Variants in ITGB3 observed in about 807,000 individuals in gnomAD.
The protein encoded by ITGB3 is integrin beta-3.
In ITGB3, 48 loss-of-function variants were observed where a neutral mutation model predicts 85.8. The observed-to-expected ratio is 0.56, with a 90% CI of 0.44 to 0.71. The LOEUF (loss-of-function observed/expected upper bound fraction) is 0.71. Ranked by LOEUF, ITGB3 falls within the 30% of genes least tolerant of loss-of-function variation. ITGB3 has a pLI of 0.00. For synonymous variants in ITGB3, 363 were observed against 395.6 expected, an observed-to-expected ratio of 0.92 and a Z score of 0.98; for missense variants, 861 against 1,019.1, an observed-to-expected ratio of 0.84 and a Z score of 2.11.
intron 14 of ITGB3, among the ~76,000 whole-genome samples, chr17:47,309,452 C>T (rs569509623): frequency 1.6e-4 from 24 of 152,290 alleles, no homozygotes; most frequent in African/African-American, 5.5e-4. Context: ...ATTTCTGTCC[C>T]TTGTCCACAT....
intron 1 of ITGB3, among the ~76,000 whole-genome samples, chr17:47,260,443 T>G (rs1174406386): frequency 6.6e-6 from 1 of 152,208 alleles, no homozygotes; most frequent in East Asian, 1.9e-4. Flanking sequence ...AAATCAAGCT[T>G]GAAAAACTTT....
chr17:47,304,912 A>C (rs1427788618), intron 13 of ITGB3, among the ~76,000 whole-genome samples: 1 of 152,102 alleles, frequency 6.6e-6, no homozygotes, highest in Non-Finnish European at 1.5e-5. Context: ...CTGGCCAAGC[A>C]TCCTGTGTTT....
At chr17:47,273,562 G>A (rs2065052777) in intron 1 of ITGB3, among the ~76,000 whole-genome samples, 1 of 152,196 alleles carries the variant, frequency 6.6e-6, no homozygotes, top group Non-Finnish European at 1.5e-5. Context: ...CGTAGCCTTT[G>A]CTCTGTCCTT....
chr17:47,280,025 G>A (rs1357907532), intron 2 of ITGB3: 2 of 152,246 alleles, frequency 1.3e-5, no homozygotes, highest in East Asian at 1.9e-4. Context: ...CTGGGTGCAC[G>A]GGAGACTTTC....
At chr17:47,293,368 T>C (rs548969619) in intron 10 of ITGB3, among the ~76,000 whole-genome samples, 32 of 152,258 alleles carry the variant, frequency 2.1e-4, no homozygotes, top group African/African-American at 7.7e-4. Context: ...GTTGAACTAA[T>C]GTTAATGTAG....
intron 10 of ITGB3, among the ~76,000 whole-genome samples, chr17:47,298,339 C>T (rs2065153322): frequency 6.6e-6 from 1 of 152,116 alleles, no homozygotes; most frequent in Non-Finnish European, 1.5e-5. Context: ...CTATGGCATT[C>T]ATGGGATTTG....
chr17:47,259,863 C>A (rs1181452807), intron 1 of ITGB3, among the ~76,000 whole-genome samples: 2 of 152,194 alleles, frequency 1.3e-5, no homozygotes, highest in African/African-American at 4.8e-5. Context: ...TGTGCCATTG[C>A]ACTCCAGCCT....
At chr17:47,285,616 A>G (rs1341488204) in intron 4 of ITGB3, among the ~76,000 whole-genome samples, 1 of 148,230 alleles carries the variant, frequency 6.7e-6, no homozygotes, top group African/African-American at 2.5e-5. Context: ...AACTGTCTCT[A>G]AAAAAAAAAG....
Position 47,286,301 on chromosome 17 carries a change from T to C in ITGB3, c.656T>C (p.Val219Ala), listed in dbSNP as rs1311161158. 1 of 1,614,120 alleles carries C rather than the reference T, an allele frequency of 6.2e-7. No homozygotes were observed. The highest frequency in any genetic ancestry group is 8.5e-7 in the Non-Finnish European group (1 of 1,180,048). ...TTGCCCATGTTTGGCTACAAACACGTGCTGACGCTAACTGACCAGGTGACC... is the reference window on the plus strand; with the variant it reads ...TTGCCCATGTTTGGCTACAAACACGCGCTGACGCTAACTGACCAGGTGACC... ...TCLPMFGYKH[V>A]LTLTDQVTRF... The change falls in exon 5 of 15, where the codon GTG becomes GCG. Residue 219 changes from valine (V) to alanine (A), a missense_variant. Val to Ala is a moderately conservative substitution (Grantham distance 64). Coordinates refer to ENST00000559488, the MANE Select transcript of ITGB3 (RefSeq NM_000212.3).
chr17:47,293,757 G>A (rs531664209), intron 10 of ITGB3, among the ~76,000 whole-genome samples: 10 of 152,162 alleles, frequency 6.6e-5, no homozygotes, highest in South Asian at 2.1e-4. Context: ...ATAGGCATGC[G>A]CCACGATGCC....
Position 47,310,333 on chromosome 17 carries a change from T to G in ITGB3, c.*129T>G, listed in dbSNP as rs528416226. On this transcript the variant is annotated 3_prime_UTR_variant, in exon 15 of 15. Transcript: ENST00000559488. ...CTCAGAGTGGGGTAGGTTGGGAGAA[T>G]GTCAGTATGTGGAAGTGTGGGTCTG... is the stretch of plus-strand genomic sequence containing the variant. 5.7e-5 allele frequency: 47 copies of G among 821,588 alleles called. No homozygotes were observed. The African/African-American group carries it at 7.0e-4, about 12-fold the overall frequency. 50.9% of individuals were successfully genotyped at this position (821,588 alleles called of 1,614,324 possible). A position where few individuals can be genotyped will look rare whatever the true frequency, so the allele number is the denominator to read the frequency against.
At chr17:47,293,997 G>A (rs1470693437) in intron 10 of ITGB3, among the ~76,000 whole-genome samples, 2 of 152,154 alleles carry the variant, frequency 1.3e-5, no homozygotes, top group East Asian at 1.9e-4. Context: ...TAGAAAGGTC[G>A]ATCTGTGTCT....
chr17:47,256,432 G>A (rs980124716), intron 1 of ITGB3, among the ~76,000 whole-genome samples: 1 of 151,616 alleles, frequency 6.6e-6, no homozygotes, highest in Admixed American at 6.6e-5. Flanking sequence ...GTACAGTAGT[G>A]TTTAAGGGCA....
In ITGB3 at chr17:47,289,759, G is replaced by A. The variant is rs1296060916; in HGVS notation, c.1018G>A (p.Val340Ile). 3.1e-6 allele frequency: 5 copies of A among 1,613,522 alleles called. No homozygotes were observed. The highest frequency in any genetic ancestry group is 1.3e-5 in the African/African-American group (1 of 74,916). Reference sequence around the variant, plus strand: ...TTTGATCTTTGCAGTGACTGAAAATGTAGTCAATCTCTATCAGGTGACTGT... The same window carrying A: ...TTTGATCTTTGCAGTGACTGAAAATATAGTCAATCTCTATCAGGTGACTGT... The part of the protein sequence containing the change: ...INLIFAVTEN[V>I]VNLYQNYSEL... Residue 340 changes from valine (V) to isoleucine (I), a missense_variant, in exon 7 of 15, where the codon GTA becomes ATA. Physicochemically the swap from Val to Ile is conservative, Grantham distance 29. Transcript: ENST00000559488.
chr17:47,298,033 T>C (rs2065152129), intron 10 of ITGB3, among the ~76,000 whole-genome samples: 1 of 152,138 alleles, frequency 6.6e-6, no homozygotes, highest in South Asian at 2.1e-4. Context: ...CTCCCAGATA[T>C]GATATGATGA....
At position 47,310,241 on chromosome 17, in the gene ITGB3, G is replaced by C; in HGVS notation, c.*37G>C. 1 of 1,581,050 alleles carries C rather than the reference G, an allele frequency of 6.3e-7. No homozygotes were observed. Among genetic ancestry groups the C allele is most frequent in the Non-Finnish European group, 8.7e-7 (1 of 1,150,092 alleles). On this transcript the variant is annotated 3_prime_UTR_variant, in exon 15 of 15. Coordinates refer to ENST00000559488, the MANE Select transcript of ITGB3 (RefSeq NM_000212.3). ...CATCCTCAGATCATTATCAGCCTGT[G>C]CCACGATTGCAGGAGTCCCTGCCAT...
chr17:47,287,209 A>G lies in ITGB3; in HGVS notation c.917A>G (p.His306Arg), dbSNP rs13306476. Residue 306 changes from histidine (H) to arginine (R), a missense_variant, in exon 6 of 15, where the codon CAT (histidine) becomes CGT (arginine). Transcript: ENST00000559488. ...CAGTGTCATGTTGGTAGTGACAATC[A>G]TTACTCTGCCTCCACTACCATGGTG... ...DGQCHVGSDN[H>R]YSASTTMDYP... 3.7e-6 allele frequency: 6 copies of G among 1,613,912 alleles called. No homozygotes were observed. In the East Asian group the frequency reaches 1.3e-4, roughly 36 times the overall value.
chr17:47,284,552 C>A lies in ITGB3; in HGVS notation c.471C>A (p.Ile157=). Residue 157 remains isoleucine, a synonymous_variant, in exon 4 of 15, where the codon ATC becomes ATA. Transcript: ENST00000559488. ...SYSMKDDLWS[I]QNLGTKLATQ... is the part of the protein sequence containing the mutation. ...CCATGAAGGATGATCTGTGGAGCATCCAGAACCTGGGTACCAAGCTGGCCA... is the reference window on the plus strand; with the variant it reads ...CCATGAAGGATGATCTGTGGAGCATACAGAACCTGGGTACCAAGCTGGCCA... 1 of 1,614,160 alleles carries A rather than the reference C, an allele frequency of 6.2e-7. No individual in the cohort carries two copies. Among genetic ancestry groups the A allele is most frequent in the South Asian group, 1.1e-5 (1 of 91,070 alleles).
At chr17:47,283,596 T>G in intron 3 of ITGB3, 47 bp downstream of exon 3, 1 of 1,580,854 alleles carries the variant, frequency 6.3e-7, no homozygotes. Flanking sequence ...CAGGTGGGCA[T>G]AGAGCACAAG....
Sources: allele counts gnomAD v4.1 joint callset (sites outside exome capture counted in the v4.1 genomes callset), GRCh38; gene constraint gnomAD v4.1.1; transcripts MANE v1.5; gene names NCBI Gene and HGNC (gene_info 2026-07-23, HGNC 2026-07-21).